Variants in ADCK1 observed in about 807,000 individuals in gnomAD.
The protein encoded by ADCK1 is aarF domain-containing protein kinase 1.
A neutral mutation model predicts 52.3 loss-of-function variants in ADCK1; 41 were observed. The observed-to-expected ratio is 0.78, with a 90% CI of 0.61 to 1.02. The LOEUF (loss-of-function observed/expected upper bound fraction) is 1.02, where lower values mean the gene tolerates loss of function less well. Ranked by LOEUF, ADCK1 falls within the 50% of genes least tolerant of loss-of-function variation. The probability of loss-of-function intolerance (pLI) is 0.00; values close to 1 mark genes in which losing one functional copy is unlikely to be tolerated. For missense variants in ADCK1, 658 were observed against 679.5 expected, an observed-to-expected ratio of 0.97 and a Z score of 0.35; for synonymous variants, 250 against 274.6, an observed-to-expected ratio of 0.91 and a Z score of 0.89.
intron 4 of ADCK1, among the ~76,000 whole-genome samples, chr14:77,878,927 C>CA (rs1483001716): frequency 1.3e-5 from 2 of 151,810 alleles, no homozygotes; most frequent in East Asian, 1.9e-4. Context: ...TGTCCCTTCC[C>CA]CCCCCACGAA....
chr14:77,889,964 C>T (rs1044344798), intron 5 of ADCK1, among the ~76,000 whole-genome samples: 3 of 150,488 alleles, frequency 2.0e-5, no homozygotes, highest in Admixed American at 2.0e-4. Context: ...GGGGTGAGCC[C>T]AAGAGGATAA....
intron 3 of ADCK1, among the ~76,000 whole-genome samples, chr14:77,856,867 G>A (rs536449072): frequency 1.3e-5 from 2 of 152,208 alleles, no homozygotes; most frequent in South Asian, 4.2e-4. Context: ...ATCCGGGTGT[G>A]GTGGTATGCG....
chr14:77,906,820 T>G (rs2083677695), intron 6 of ADCK1, among the ~76,000 whole-genome samples: 1 of 152,142 alleles, frequency 6.6e-6, no homozygotes. Flanking sequence ...ATAAAAACCT[T>G]CCCAGAATCC....
intron 5 of ADCK1, among the ~76,000 whole-genome samples, chr14:77,889,952 G>A (rs1291563853): frequency 6.6e-6 from 1 of 151,276 alleles, no homozygotes; most frequent in African/African-American, 2.4e-5. Flanking sequence ...GCAAAACATT[G>A]GGGGGTGAGC....
chr14:77,835,261 A>G (rs2140073100), intron 3 of ADCK1, among the ~76,000 whole-genome samples: 1 of 152,336 alleles, frequency 6.6e-6, no homozygotes. Flanking sequence ...TTTAAGACCT[A>G]AGACAAAGTG....
intron 3 of ADCK1, among the ~76,000 whole-genome samples, chr14:77,822,801 C>T (rs935378899): frequency 6.6e-6 from 1 of 152,144 alleles, no homozygotes; most frequent in Non-Finnish European, 1.5e-5. Flanking sequence ...TCCTCCTTCA[C>T]ACAGAGGTTT....
At position 77,832,380 on chromosome 14, in the gene ADCK1, A is replaced by T. The variant is rs561459934; in HGVS notation, c.219+9862A>T. ...CCCAATCTCATGTTCTTTGCACTTT[A>T]TACTCTGTCGTTTCCCTGTATATCT... On this transcript the variant is annotated intron_variant, in intron 3 of 10. Transcript: ENST00000238561. 2.6e-5 allele frequency among the ~76,000 whole-genome samples: 4 copies of T among 152,316 alleles called. No homozygotes were observed. The South Asian group carries it at 8.3e-4, about 32-fold the overall frequency.
At chr14:77,931,874 A>G (rs1220817767) in intron 10 of ADCK1, among the ~76,000 whole-genome samples, 163 bp downstream of exon 10, 1 of 152,160 alleles carries the variant, frequency 6.6e-6, no homozygotes, top group Non-Finnish European at 1.5e-5. Flanking sequence ...ATGTTTTCTG[A>G]GAGTCTCAGC....
At chr14:77,867,739 G>A (rs2082692881) in intron 4 of ADCK1, among the ~76,000 whole-genome samples, 2 of 152,218 alleles carry the variant, frequency 1.3e-5, no homozygotes, top group African/African-American at 4.8e-5. Flanking sequence ...TACCCTGTCT[G>A]TGCCCTGCTC....
intron 3 of ADCK1, among the ~76,000 whole-genome samples, chr14:77,852,879 G>A (rs2082329384): frequency 6.5e-5 from 2 of 30,600 alleles, no homozygotes; most frequent in Non-Finnish European, 1.2e-4. Flanking sequence ...AATCTTTTAT[G>A]TGTGTATATA....
chr14:77,859,354 T>C, intron 4 of ADCK1, 75 bp downstream of exon 4: 4 of 1,452,728 alleles, frequency 2.8e-6, no homozygotes, highest in Non-Finnish European at 3.7e-6. Flanking sequence ...TCTTGCAGCC[T>C]CGACCAGGGT....
rs996533323 is a variant in ADCK1 at position 77,924,503 on chromosome 14, A to G, written c.905A>G (p.Asn302Ser). 8 of 1,614,028 alleles carry G rather than the reference A, an allele frequency of 5.0e-6. No homozygotes were observed. Among genetic ancestry groups the G allele is most frequent in the Non-Finnish European group, 6.8e-6 (8 of 1,180,046 alleles). The change falls in exon 8 of 11, where the codon AAT becomes AGT. Residue 302 changes from asparagine (N) to serine (S), a missense_variant. Physicochemically the swap from Asn to Ser is conservative, Grantham distance 46. Transcript: ENST00000238561. ...GKMYSEMIFV[N>S]GFVHCDPHPG... Reference sequence around the variant, plus strand: ...ATGTATAGTGAGATGATCTTCGTCAATGGCTTCGTGCACTGCGATCCCCAC... The same window carrying G: ...ATGTATAGTGAGATGATCTTCGTCAGTGGCTTCGTGCACTGCGATCCCCAC...
At chr14:77,856,582 G>GA in intron 3 of ADCK1, among the ~76,000 whole-genome samples, 1 of 151,760 alleles carries the variant, frequency 6.6e-6, no homozygotes, top group South Asian at 2.1e-4. Flanking sequence ...TTTAGATATG[G>GA]TAAAGGATTG....
chr14:77,922,830 T>G (rs7144239), intron 7 of ADCK1, among the ~76,000 whole-genome samples: 109,476 of 152,112 alleles, frequency 0.72, 39,712 homozygotes, highest in African/African-American at 0.76. Context: ...TGTTACTAAA[T>G]TAGGGTCATT....
intron 1 of ADCK1, among the ~76,000 whole-genome samples, chr14:77,804,546 A>C (rs890621555): frequency 3.1e-5 from 4 of 129,972 alleles, no homozygotes; most frequent in Admixed American, 1.8e-4. Context: ...CATTGCATAC[A>C]GGGGACAGGT....
At chr14:77,871,310 C>A (rs373869739) in intron 4 of ADCK1, among the ~76,000 whole-genome samples, 2 of 152,208 alleles carry the variant, frequency 1.3e-5, no homozygotes, top group African/African-American at 4.8e-5. Flanking sequence ...TTTCACCCAT[C>A]CCACCCAAGG....
chr14:77,822,965 G>A (rs558526173), intron 3 of ADCK1, among the ~76,000 whole-genome samples: 35 of 152,236 alleles, frequency 2.3e-4, no homozygotes, highest in African/African-American at 7.5e-4. Flanking sequence ...GCTCTGTCCC[G>A]CAGATAACTC....
intron 5 of ADCK1, among the ~76,000 whole-genome samples, chr14:77,893,686 G>A (rs1335404904): frequency 6.6e-6 from 1 of 150,820 alleles, no homozygotes; most frequent in Non-Finnish European, 1.5e-5. Flanking sequence ...TTTCTGAGCA[G>A]CATTTTCAGT....
At chr14:77,908,773 G>A (rs868422724) in intron 7 of ADCK1, among the ~76,000 whole-genome samples, 12 of 152,200 alleles carry the variant, frequency 7.9e-5, no homozygotes, top group Non-Finnish European at 1.8e-4. Flanking sequence ...CCAGAGCTTA[G>A]CATCAGAGTC....
Sources: gnomAD v4.1 joint callset for allele counts (sites outside exome capture counted in the v4.1 genomes callset) on GRCh38, gnomAD v4.1.1 for gene constraint, MANE v1.5 for transcripts, NCBI Gene and HGNC (gene_info 2026-07-23, HGNC 2026-07-21) for gene names.